The following SLC9A4 variants were observed in gnomAD, a reference collection of about 807,000 sequenced individuals.
SLC9A4 encodes solute carrier family 9 member A4, also known as sodium/hydrogen exchanger 4.
SLC9A4 carries 63 observed loss-of-function variants against 67.4 expected under a neutral mutation model. The observed-to-expected ratio is 0.93, with a 90% CI of 0.76 to 1.15. The LOEUF is 1.15. Ranked by LOEUF, SLC9A4 falls within the 50% of genes most tolerant of loss-of-function variation. The pLI is 0.00. For missense variants in SLC9A4, 1,089 were observed against 987.7 expected, an observed-to-expected ratio of 1.10 and a Z score of -1.38; for synonymous variants, 393 against 367.2, an observed-to-expected ratio of 1.07 and a Z score of -0.80.
At chr2:102,503,397 T>C (rs982060442) in intron 2 of SLC9A4, 51 bp from the exon 3 acceptor site, 5 of 1,462,548 alleles carry the variant, frequency 3.4e-6, no homozygotes, top group Non-Finnish European at 4.6e-6. Context: ...ATGCAAAGTG[T>C]TCCTAGTTTC....
intron 2 of SLC9A4, among the ~76,000 whole-genome samples, chr2:102,481,120 C>G (rs774888046): frequency 1.3e-5 from 2 of 152,034 alleles, no homozygotes; most frequent in African/African-American, 2.4e-5. Context: ...CAGGGATCGG[C>G]GTGGGGAGGG....
rs780892908 is a variant in SLC9A4, at chr2:102,479,188, G to A, written c.606G>A (p.Leu202=). 4.3e-6 allele frequency: 7 copies of A among 1,614,188 alleles called. No individual in the cohort carries two copies. The highest frequency in any genetic ancestry group is 4.2e-6 in the Non-Finnish European group (5 of 1,180,022). Residue 202 remains leucine (L), a synonymous_variant, in exon 2 of 12, where the codon CTG becomes CTA. Coordinates refer to ENST00000295269, the MANE Select transcript of SLC9A4 (RefSeq NM_001011552.4). ...TGCAGAACCTGCTGTTCGGCAGCCT[G>A]ATCTCCGCCGTGGACCCAGTGGCCG... ...NLLQNLLFGS[L]ISAVDPVAVL...
At chr2:102,503,416 A>G in intron 2 of SLC9A4, 32 bp from the exon 3 acceptor site, 6 of 1,525,748 alleles carry the variant, frequency 3.9e-6, no homozygotes, top group Non-Finnish European at 5.3e-6. Context: ...TCTATTCATA[A>G]TTCATATTTG....
chr2:102,503,454 T>C lies in SLC9A4; in HGVS notation c.727T>C (p.Tyr243His), dbSNP rs756083385. Residue 243 changes from tyrosine (Y) to histidine (H), a missense_variant, in exon 3 of 12, where the codon TAC becomes CAC. Coordinates refer to ENST00000295269, the MANE Select transcript of SLC9A4 (RefSeq NM_001011552.4). ...LLNDGITVVL[Y>H]NMLIAFTKMH... Reference sequence around the variant, plus strand: ...TACTCTCTTTTTTGCCTAGGTCTTATACAATATGTTAATTGCCTTTACAAA... The same window carrying C: ...TACTCTCTTTTTTGCCTAGGTCTTACACAATATGTTAATTGCCTTTACAAA... 6.2e-7 allele frequency: 1 copy of C among 1,607,238 alleles called. No homozygotes were observed. The highest frequency in any genetic ancestry group is 8.5e-7 in the Non-Finnish European group (1 of 1,175,176).
intron 2 of SLC9A4, among the ~76,000 whole-genome samples, chr2:102,492,095 T>G (rs1453746496): frequency 3.3e-5 from 5 of 152,246 alleles, no homozygotes; most frequent in Non-Finnish European, 7.3e-5. Flanking sequence ...TGGGCAGCTC[T>G]GCCCCTGTGG....
intron 9 of SLC9A4, among the ~76,000 whole-genome samples, chr2:102,523,693 G>A (rs1408974371): frequency 1.3e-5 from 2 of 152,188 alleles, no homozygotes; most frequent in East Asian, 3.9e-4. Flanking sequence ...CCTGTGGCCT[G>A]GCCGCAGCCC....
chr2:102,515,706 T>C (rs1685263992), intron 8 of SLC9A4, among the ~76,000 whole-genome samples: 1 of 152,052 alleles, frequency 6.6e-6, no homozygotes. Flanking sequence ...CTATAAATAT[T>C]GCATTTAAAT....
intron 2 of SLC9A4, among the ~76,000 whole-genome samples, chr2:102,497,516 A>G (rs1684834313): frequency 6.6e-6 from 1 of 152,212 alleles, no homozygotes; most frequent in Non-Finnish European, 1.5e-5. Context: ...AAAGGAAGGG[A>G]CCACTAACAC....
At position 102,514,198 on chromosome 2, in the gene SLC9A4, C is replaced by T; in HGVS notation, c.1668C>T (p.Ile556=). 1 of 1,614,106 alleles carries T rather than the reference C, an allele frequency of 6.2e-7. No individual in the cohort carries two copies. Among genetic ancestry groups the T allele is most frequent in the Non-Finnish European group, 8.5e-7 (1 of 1,180,018 alleles). Residue 556 remains isoleucine (I), a synonymous_variant, in exon 8 of 12, where the codon ATC becomes ATT. Coordinates refer to ENST00000295269, the MANE Select transcript of SLC9A4 (RefSeq NM_001011552.4). ...LYKKLEMKQA[I]EMVETGILSS... is the part of the protein sequence containing the mutation. ...AGAAGCTGGAAATGAAGCAAGCCAT[C>T]GAGATGGTGGAGACTGGGATACTGA...
At chr2:102,531,396 A>T (rs1371948462) in intron 11 of SLC9A4, among the ~76,000 whole-genome samples, 2 of 152,200 alleles carry the variant, frequency 1.3e-5, no homozygotes, top group Non-Finnish European at 2.9e-5. Context: ...GGCATCGGTT[A>T]GGGGTCTGGA....
Position 102,474,006 on chromosome 2 carries a change from G to A in SLC9A4, c.247G>A (p.Ala83Thr), listed in dbSNP as rs1684276762. ...TCTCTGGATACTTCTAGCATCCCTT[G>A]CAAAAATAGGTAAGTCCTTAAACAC... ...VTLWILLASLAKIGFHLYHRL... is the reference protein window; with the variant it reads ...VTLWILLASLTKIGFHLYHRL... The change falls in exon 1 of 12, where the codon GCA (alanine) becomes ACA (threonine). Residue 83 changes from alanine (A) to threonine (T), a missense_variant. By Grantham distance (58) the Ala-to-Thr change is moderately conservative. Coordinates refer to ENST00000295269, the MANE Select transcript of SLC9A4 (RefSeq NM_001011552.4). The A allele has an allele frequency of 1.2e-6, 2 of 1,611,072 alleles. No homozygotes were observed. The highest frequency in any genetic ancestry group is 2.7e-5 in the African/African-American group (2 of 74,698).
intron 8 of SLC9A4, among the ~76,000 whole-genome samples, chr2:102,518,530 A>G (rs1558671270): frequency 6.6e-6 from 1 of 152,218 alleles, no homozygotes; most frequent in Non-Finnish European, 1.5e-5. Context: ...TGGCATTTGC[A>G]GCTTTACGAT....
Position 102,526,214 on chromosome 2 carries a change from T to G in SLC9A4, c.1951-45T>G. The G allele has an allele frequency of 1.9e-6, 3 of 1,590,818 alleles. No homozygotes were observed. In the South Asian group the frequency reaches 3.3e-5, roughly 18 times the overall value. On this transcript the variant is annotated intron_variant, in intron 10 of 11. Transcript: ENST00000295269. ...TTTATTTGCCATGTGAAGCTCTTAA[T>G]TGAGACAGCTTATTCTGCTTTTTCT...
At chr2:102,514,038 T>A in intron 7 of SLC9A4, 52 bp from the exon 8 acceptor site, 1 of 1,575,904 alleles carries the variant, frequency 6.3e-7, no homozygotes, top group South Asian at 1.2e-5. Flanking sequence ...GCATACTTAA[T>A]GTAACACATA....
Position 102,479,271 on chromosome 2 carries a change from G to C in SLC9A4, c.689G>C (p.Gly230Ala). The change falls in exon 2 of 12, where the codon GGG (glycine) becomes GCG (alanine). Residue 230 changes from glycine to alanine, a missense_variant. Coordinates refer to ENST00000295269, the MANE Select transcript of SLC9A4 (RefSeq NM_001011552.4). ...GAGCAGCTCTACATGATGATCTTTG[G>C]GGAGGCCCTGCTCAATGATGGCATT... ...VNEQLYMMIFGEALLNDGITV... is the reference protein window; with the variant it reads ...VNEQLYMMIFAEALLNDGITV... The C allele has an allele frequency of 6.2e-7, 1 of 1,612,802 alleles. No homozygotes were observed.
intron 11 of SLC9A4, among the ~76,000 whole-genome samples, chr2:102,531,468 TC>T (rs1365182272): frequency 1.3e-5 from 2 of 152,088 alleles, no homozygotes; most frequent in Non-Finnish European, 2.9e-5. Flanking sequence ...GAGGTAGCCC[TC>T]CCTCTTACAC....
rs76379162 is a variant in SLC9A4 at position 102,490,287 on chromosome 2, G to A, written c.720+10985G>A. Among the ~76,000 whole-genome samples, 47 of 152,300 alleles carry A rather than the reference G, an allele frequency of 3.1e-4. No homozygotes were observed. The East Asian group carries it at 7.1e-3, about 23-fold the overall frequency. ...GTTGTAATAAAATAGCAGAGATTGG[G>A]GGGCTGAAACAATCTCTGAAATATG... is the stretch of plus-strand genomic sequence containing the variant. On this transcript the variant is annotated intron_variant, in intron 2 of 11. Coordinates refer to ENST00000295269, the MANE Select transcript of SLC9A4 (RefSeq NM_001011552.4).
chr2:102,505,660 T>C lies in SLC9A4; in HGVS notation c.1198+189T>C, dbSNP rs1685035857. On this transcript the variant is annotated intron_variant, in intron 4 of 11. Coordinates refer to ENST00000295269, the MANE Select transcript of SLC9A4 (RefSeq NM_001011552.4). ...CCCTCAGTCAGCTCAAAGTAATTAG[T>C]GGTTGATAAGGTTCTGCATTGAAGC... The C allele has an allele frequency of 4.9e-5, 29 of 593,786 alleles. No individual in the cohort carries two copies. In the South Asian group the frequency reaches 6.1e-4, roughly 13 times the overall value. The allele number at this position is 593,786 out of a possible 1,614,324, so 36.8% of individuals were successfully genotyped here.
chr2:102,532,269 T>G, intron 11 of SLC9A4, 61 bp from the exon 12 acceptor site: 1 of 1,513,718 alleles, frequency 6.6e-7, no homozygotes, highest in Non-Finnish European at 8.9e-7. Flanking sequence ...ATGTGGATAT[T>G]AAGTCTTAAC....
Sources: allele counts gnomAD v4.1 joint callset (sites outside exome capture counted in the v4.1 genomes callset), GRCh38; gene constraint gnomAD v4.1.1; transcripts MANE v1.5; gene names NCBI Gene and HGNC (gene_info 2026-07-23, HGNC 2026-07-21).